The following PIBF1 variants were observed in gnomAD, a reference collection of about 807,000 sequenced individuals.
PIBF1 encodes progesterone-induced-blocking factor 1.
In PIBF1, 90 loss-of-function variants were observed where a neutral mutation model predicts 112.5. The ratio of observed to expected loss-of-function variants is 0.80; its 90% CI spans 0.67 to 0.95. The LOEUF is 0.95. Ranked by LOEUF, PIBF1 falls within the 40% of genes least tolerant of loss-of-function variation. The pLI, the probability that PIBF1 is intolerant of heterozygous loss-of-function variation, is 0.00. For synonymous variants in PIBF1, 301 were observed against 288.6 expected (o/e 1.04, Z -0.44); for missense variants, 915 against 852.3 (o/e 1.07, Z -0.92).
chr13:72,861,493 A>G (rs750013986), intron 10 of PIBF1, among the ~76,000 whole-genome samples: 4 of 152,120 alleles, frequency 2.6e-5, no homozygotes. Flanking sequence ...AGTGATTTTT[A>G]TGTCATATTG....
chr13:72,784,618 C>T (rs1162420325), intron 2 of PIBF1, among the ~76,000 whole-genome samples: 4 of 151,744 alleles, frequency 2.6e-5, no homozygotes, highest in Non-Finnish European at 4.4e-5. Flanking sequence ...AATAGCCCCG[C>T]GTAGTGGTGC....
intron 16 of PIBF1, among the ~76,000 whole-genome samples, chr13:72,996,923 A>G (rs1364630399): frequency 6.6e-6 from 1 of 152,250 alleles, no homozygotes; most frequent in Non-Finnish European, 1.5e-5. Context: ...AGAATTTTAC[A>G]GAATTTTGCT....
intron 14 of PIBF1, among the ~76,000 whole-genome samples, chr13:72,953,675 A>T (rs546562333): frequency 3.4e-4 from 51 of 152,234 alleles, no homozygotes; most frequent in African/African-American, 1.2e-3. Context: ...TGGTTAGCCG[A>T]GGCAATGCAG....
intron 14 of PIBF1, among the ~76,000 whole-genome samples, chr13:72,940,861 A>G (rs2041992200): frequency 6.6e-6 from 1 of 152,104 alleles, no homozygotes. Flanking sequence ...GCTCCTACCA[A>G]TCTTGTCTGT....
rs1021447475 is a variant in PIBF1 at position 72,835,260 on chromosome 13, A to T, written c.1115A>T (p.Glu372Val). Reference sequence around the variant, plus strand: ...CCTTGCAGAGACCATTATAAAACAGAATATGAAAATAAACTACATGATGAA... The same window carrying T: ...CCTTGCAGAGACCATTATAAAACAGTATATGAAAATAAACTACATGATGAA... ...YVASRDHYKTEYENKLHDELE... is the reference protein window; with the variant it reads ...YVASRDHYKTVYENKLHDELE... Residue 372 changes from glutamate to valine, a missense_variant, in exon 9 of 18, where the codon GAA becomes GTA. By Grantham distance (121) the Glu-to-Val change is moderately radical. Coordinates refer to ENST00000326291, the MANE Select transcript of PIBF1 (RefSeq NM_006346.4). 6 of 1,571,352 alleles carry T rather than the reference A, an allele frequency of 3.8e-6. No individual in the cohort carries two copies. The African/African-American group carries it at 6.9e-5, about 18-fold the overall frequency.
At chr13:72,849,170 A>G (rs1319500508) in intron 9 of PIBF1, among the ~76,000 whole-genome samples, 8 of 152,236 alleles carry the variant, frequency 5.3e-5, no homozygotes, top group Admixed American at 3.9e-4. Flanking sequence ...AGATACATAG[A>G]ATTGCTAGGA....
intron 9 of PIBF1, among the ~76,000 whole-genome samples, chr13:72,839,974 C>T (rs1306663658): frequency 1.3e-5 from 2 of 152,130 alleles, no homozygotes; most frequent in African/African-American, 2.4e-5. Flanking sequence ...ATGCCCCAGC[C>T]AGCCACAGGG....
intron 5 of PIBF1, among the ~76,000 whole-genome samples, chr13:72,798,315 G>A (rs2035297699): frequency 6.6e-6 from 1 of 152,118 alleles, no homozygotes; most frequent in African/African-American, 2.4e-5. Flanking sequence ...TCTGAAAATT[G>A]CTGTGTATCC....
chr13:72,853,372 A>G (rs2138318581), intron 9 of PIBF1, among the ~76,000 whole-genome samples: 1 of 152,270 alleles, frequency 6.6e-6, no homozygotes, highest in South Asian at 2.1e-4. Flanking sequence ...TACTTAATTT[A>G]GTCATACTAA....
chr13:72,925,908 T>C (rs2041469312), intron 13 of PIBF1, among the ~76,000 whole-genome samples: 1 of 152,200 alleles, frequency 6.6e-6, no homozygotes, highest in African/African-American at 2.4e-5. Flanking sequence ...TGGTGCATTT[T>C]GAAGCCCAGA....
At chr13:72,972,446 G>T (rs555201971) in intron 15 of PIBF1, among the ~76,000 whole-genome samples, 5 of 152,068 alleles carry the variant, frequency 3.3e-5, no homozygotes, top group African/African-American at 1.2e-4. Context: ...GGCAGATCAC[G>T]TGAGGTCAGG....
At chr13:72,783,371 T>C (rs747074752) in intron 1 of PIBF1, 52 bp from the exon 2 acceptor site, 18 of 830,682 alleles carry the variant, frequency 2.2e-5, no homozygotes, top group Non-Finnish European at 3.2e-5. Flanking sequence ...CAGTCCATGA[T>C]TTCTGTAGTT....
intron 14 of PIBF1, among the ~76,000 whole-genome samples, chr13:72,964,204 C>T (rs2042680081): frequency 2.0e-5 from 3 of 152,118 alleles, no homozygotes; most frequent in Non-Finnish European, 2.9e-5. Context: ...ACTTTGAAAA[C>T]GTCACACTAA....
chr13:73,002,416 T>A (rs2043899700), intron 17 of PIBF1, among the ~76,000 whole-genome samples: 1 of 152,144 alleles, frequency 6.6e-6, no homozygotes, highest in Non-Finnish European at 1.5e-5. Context: ...ACTCTTAAGG[T>A]AGCTTTTTGC....
intron 14 of PIBF1, among the ~76,000 whole-genome samples, chr13:72,939,661 C>T (rs2041961116): frequency 6.6e-6 from 1 of 152,118 alleles, no homozygotes; most frequent in Non-Finnish European, 1.5e-5. Flanking sequence ...TTTCCACCTT[C>T]TGACTATTGT....
chr13:72,871,276 GTGGTGTC>G (rs1332086223), intron 10 of PIBF1, among the ~76,000 whole-genome samples: 1 of 152,008 alleles, frequency 6.6e-6, no homozygotes, highest in Non-Finnish European at 1.5e-5. Flanking sequence ...TTCTAGTCAA[GTGGTGTC>G]TGTCTGTCTG....
intron 13 of PIBF1, among the ~76,000 whole-genome samples, chr13:72,929,382 C>T (rs1337391262): frequency 2.6e-5 from 4 of 151,646 alleles, no homozygotes; most frequent in African/African-American, 4.9e-5. Flanking sequence ...AAATGAAGAA[C>T]AATATAGTCA....
At chr13:72,793,009 G>A (rs922561539) in intron 3 of PIBF1, among the ~76,000 whole-genome samples, 1 of 151,956 alleles carries the variant, frequency 6.6e-6, no homozygotes, top group African/African-American at 2.4e-5. Context: ...AAATTCTTTG[G>A]AACGATTCAA....
intron 9 of PIBF1, among the ~76,000 whole-genome samples, chr13:72,838,513 G>C (rs1386737933): frequency 6.6e-6 from 1 of 152,168 alleles, no homozygotes; most frequent in Non-Finnish European, 1.5e-5. Context: ...GAGACTCCAG[G>C]GGTCCCTCAT....
Sources: allele counts gnomAD v4.1 joint callset (sites outside exome capture counted in the v4.1 genomes callset), GRCh38; gene constraint gnomAD v4.1.1; transcripts MANE v1.5; gene names NCBI Gene and HGNC (gene_info 2026-07-23, HGNC 2026-07-21).